The following TPTE2 variants were observed in gnomAD, a reference collection of about 807,000 sequenced individuals.
The protein encoded by TPTE2 is transmembrane phosphoinositide 3-phosphatase and tensin homolog 2, also known as phosphatidylinositol 3,4,5-trisphosphate 3-phosphatase TPTE2.
TPTE2 carries 53 observed loss-of-function variants against 78.6 expected under a neutral mutation model. The observed-to-expected ratio is 0.67, with a 90% CI of 0.54 to 0.85. The LOEUF (loss-of-function observed/expected upper bound fraction) is 0.85. TPTE2 is among the 40% of genes least tolerant of loss of function. The pLI, the probability that TPTE2 is intolerant of heterozygous loss-of-function variation, is 0.00. For missense variants in TPTE2, 461 were observed against 623.0 expected, an observed-to-expected ratio of 0.74 and a Z score of 2.77; for synonymous variants, 175 against 206.2, an observed-to-expected ratio of 0.85 and a Z score of 1.30.
chr13:19,552,330 G>A, the TPTE2 span, among the ~76,000 whole-genome samples: 8 of 152,134 alleles, frequency 5.3e-5, no homozygotes, highest in Non-Finnish European at 1.0e-4. Context: ...TTATGTCATA[G>A]AAATTCATGA....
chr13:19,475,602 C>T (rs753533401), exon 5 of TPTE2: 2 of 1,608,716 alleles, frequency 1.2e-6, no homozygotes. Flanking sequence ...CAATTGAATG[C>T]ACAATTTTCT....
chr13:19,451,808 A>AGT (rs201672341), intron 10 of TPTE2, among the ~76,000 whole-genome samples: 4,967 of 134,878 alleles, frequency 0.037, 122 homozygotes, highest in Non-Finnish European at 0.05. Flanking sequence ...TGTACCTATA[A>AGT]GTGTGTGTGT....
chr13:19,505,426 T>C (rs900291618), upstream of TPTE2, among the ~76,000 whole-genome samples: 4 of 151,960 alleles, frequency 2.6e-5, no homozygotes, highest in African/African-American at 7.2e-5. Flanking sequence ...CAGATATGAG[T>C]CACCATGCCT....
At chr13:19,512,494 ACTTATT>A (rs1442366688) in intron 1 of TPTE2, among the ~76,000 whole-genome samples, 2 of 152,194 alleles carry the variant, frequency 1.3e-5, no homozygotes, top group African/African-American at 4.8e-5. Flanking sequence ...TGGCATTGAA[ACTTATT>A]CTTCAAATGA....
At chr13:19,544,934 T>TCACACACA in the TPTE2 span, among the ~76,000 whole-genome samples, 56 of 142,418 alleles carry the variant, frequency 3.9e-4, no homozygotes, top group East Asian at 2.3e-3. Context: ...ACGTGCACAC[T>TCACACACA]CACACACACA....
chr13:19,551,347 T>C, the TPTE2 span, among the ~76,000 whole-genome samples: 2 of 152,150 alleles, frequency 1.3e-5, no homozygotes, highest in African/African-American at 4.8e-5. Context: ...CCCAGCACTT[T>C]GGGAGGCCAA....
chr13:19,488,822 G>T (rs1294001105), intron 3 of TPTE2, among the ~76,000 whole-genome samples: 3 of 152,118 alleles, frequency 2.0e-5, no homozygotes, highest in African/African-American at 7.2e-5. Flanking sequence ...TCTTCAAGAA[G>T]TTTTTTGGCT....
chr13:19,441,542 T>C (rs1877494951), intron 13 of TPTE2, among the ~76,000 whole-genome samples: 1 of 152,220 alleles, frequency 6.6e-6, no homozygotes, highest in African/African-American at 2.4e-5. Context: ...ATCATATTCA[T>C]TGATTAAAGA....
At chr13:19,549,663 A>G in the TPTE2 span, among the ~76,000 whole-genome samples, 2 of 65,538 alleles carry the variant, frequency 3.1e-5, 1 homozygote, top group Non-Finnish European at 9.2e-5. Flanking sequence ...TATATGCCCA[A>G]ATGAATATAA....
At chr13:19,438,411 T>TA (rs201889686) in intron 13 of TPTE2, 1 of 985,322 alleles carries the variant, frequency 1.0e-6, no homozygotes, top group South Asian at 4.7e-5. Flanking sequence ...AGGTTTTTAC[T>TA]AAATCTATAA....
At chr13:19,477,311 T>G (rs1472397160) in intron 4 of TPTE2, among the ~76,000 whole-genome samples, 4 of 150,660 alleles carry the variant, frequency 2.7e-5, no homozygotes. Context: ...AAAAAAAACC[T>G]CCCTGACACA....
intron 3 of TPTE2, among the ~76,000 whole-genome samples, chr13:19,490,495 T>C (rs1880931256): frequency 6.6e-6 from 1 of 152,198 alleles, no homozygotes; most frequent in South Asian, 2.1e-4. Context: ...ACTTAATGAA[T>C]CAAGTTTATA....
At chr13:19,553,588 A>G in the TPTE2 span, among the ~76,000 whole-genome samples, 1 of 152,244 alleles carries the variant, frequency 6.6e-6, no homozygotes, top group Non-Finnish European at 1.5e-5. Context: ...AAAATGTGAT[A>G]CATTCATACA....
chr13:19,491,144 A>C (rs1163413387), intron 3 of TPTE2, among the ~76,000 whole-genome samples: 1 of 152,192 alleles, frequency 6.6e-6, no homozygotes, highest in Non-Finnish European at 1.5e-5. Flanking sequence ...TCCTTTCTAC[A>C]TGTATACTTT....
rs1176314458 is a variant in TPTE2, at chr13:19,438,123, A to G, written c.1004T>C (p.Leu335Pro). 12 of 1,609,898 alleles carry G rather than the reference A, an allele frequency of 7.5e-6. No individual in the cohort carries two copies. The highest frequency in any genetic ancestry group is 7.6e-6 in the Non-Finnish European group (9 of 1,177,522). Residue 335 changes from leucine to proline, a missense_variant, in exon 14 of 20, where the codon CTT (leucine) becomes CCT (proline). Physicochemically the swap from Leu to Pro is moderately conservative, Grantham distance 98 (BLOSUM62 -3). Coordinates refer to ENST00000400230, the Ensembl canonical transcript of TPTE2. ...AGTTAAAAATATTTCGGAGGCAATAAGGAGGGCACAAACCATAGTCCCGGT... is the reference window on the plus strand; with the variant it reads ...AGTTAAAAATATTTCGGAGGCAATAGGGAGGGCACAAACCATAGTCCCGGT...
intron 1 of TPTE2, among the ~76,000 whole-genome samples, chr13:19,529,081 G>C (rs1298171620): frequency 6.6e-6 from 1 of 152,132 alleles, no homozygotes; most frequent in Non-Finnish European, 1.5e-5. Flanking sequence ...TCGTGCCACT[G>C]TACTCCAGCC....
rs35170165 is a variant in TPTE2 at position 19,535,672 on chromosome 13, A to AC, written c.-44+923dup. On this transcript the variant is annotated intron_variant, in intron 1 of 17. Coordinates refer to the TPTE2 transcript ENST00000390680. The surrounding 1 kb of genome is among the most constrained non-coding windows in gnomAD (Gnocchi z 5.1). ...TTTTGAGACGGAGTCTCACTCTGTC[A>AC]CCAGGCTGGAGTGCAATGGTGTGAC... Among the ~76,000 whole-genome samples, 116,989 of 151,638 alleles carry AC rather than the reference A, an allele frequency of 0.77. 46,751 individuals are homozygous for AC. The highest frequency in any genetic ancestry group is 0.96 in the East Asian group (4,988 of 5,176).
chr13:19,495,068 C>G (rs1390423088), intron 1 of TPTE2, among the ~76,000 whole-genome samples: 4 of 152,176 alleles, frequency 2.6e-5, no homozygotes, highest in Non-Finnish European at 5.9e-5. Flanking sequence ...GCATTTAATT[C>G]TAGTTCAAAT....
rs1257381957 is a variant in TPTE2 at position 19,535,786 on chromosome 13, C to A, written c.-44+810G>T. 6.6e-6 allele frequency among the ~76,000 whole-genome samples: 1 copy of A among 152,068 alleles called. No individual in the cohort carries two copies. The highest frequency in any genetic ancestry group is 1.5e-5 in the Non-Finnish European group (1 of 68,034). ...AGCTGGGACTACATACAGGTGCCTG[C>A]CATCATGCCCAGCTATTTTTTGTAT... On this transcript the variant is annotated intron_variant, in intron 1 of 17. Coordinates refer to the TPTE2 transcript ENST00000390680. The surrounding 1 kb of genome is among the most constrained non-coding windows in gnomAD (Gnocchi z 5.1).
Sources: allele counts gnomAD v4.1 joint callset (sites outside exome capture counted in the v4.1 genomes callset), GRCh38; gene constraint gnomAD v4.1.1; non-coding constraint Gnocchi (gnomAD v3.1); transcripts MANE v1.5; gene names NCBI Gene and HGNC (gene_info 2026-07-23, HGNC 2026-07-21).